KCNIP4: variants seen among roughly 807,000 people sequenced by gnomAD.
KCNIP4 encodes Kv channel-interacting protein 4.
KCNIP4 carries 12 observed loss-of-function variants against 34.0 expected under a neutral mutation model. The observed-to-expected ratio is 0.35, with a 90% CI of 0.23 to 0.57. The LOEUF is 0.57. Among genes scored for constraint, KCNIP4 ranks in the 20% least tolerant of loss-of-function variants. The probability of loss-of-function intolerance (pLI) is 0.83; values close to 1 mark genes in which losing one functional copy is unlikely to be tolerated. For synonymous variants in KCNIP4, 124 were observed against 102.2 expected, an observed-to-expected ratio of 1.21 and a Z score of -1.29; for missense variants, 238 against 311.7, an observed-to-expected ratio of 0.76 and a Z score of 1.78.
intron 1 of KCNIP4, among the ~76,000 whole-genome samples, chr4:21,726,181 G>T (rs1483227867): frequency 6.6e-6 from 1 of 152,056 alleles, no homozygotes. Context: ...TGTACTGTTA[G>T]CCTGGAGATG....
chr4:21,452,452 C>T (rs1035818496), intron 1 of KCNIP4, among the ~76,000 whole-genome samples: 3 of 152,056 alleles, frequency 2.0e-5, no homozygotes, highest in African/African-American at 7.2e-5. Flanking sequence ...CATCACACTG[C>T]TTTGGTTCCT....
intron 1 of KCNIP4, among the ~76,000 whole-genome samples, chr4:21,272,335 A>G (rs1762204211): frequency 1.3e-5 from 2 of 152,352 alleles, no homozygotes; most frequent in Middle Eastern, 3.4e-3. Context: ...TTATTCATAT[A>G]TAAAAACAAC....
Position 21,339,378 on chromosome 4 carries a change from T to C in KCNIP4, c.62-456669A>G, listed in dbSNP as rs375486646. On this transcript the variant is annotated intron_variant, in intron 1 of 8. Transcript: ENST00000382152. ...CAGGTGGAATGATACAGTTTAGACG[T>C]AGGATATGGAAAGGCACTTACTAGC... Among the ~76,000 whole-genome samples, 41 of 152,322 alleles carry C rather than the reference T, an allele frequency of 2.7e-4. No homozygotes were observed. The East Asian group carries it at 6.8e-3, about 25-fold the overall frequency.
intron 1 of KCNIP4, among the ~76,000 whole-genome samples, chr4:21,742,079 G>GA (rs1433072703): frequency 1.3e-5 from 2 of 151,836 alleles, no homozygotes; most frequent in Non-Finnish European, 2.9e-5. Flanking sequence ...AAAAATACTA[G>GA]AAAAAATGTT....
chr4:21,525,952 T>C (rs1735937148), intron 1 of KCNIP4, among the ~76,000 whole-genome samples: 1 of 152,038 alleles, frequency 6.6e-6, no homozygotes, highest in African/African-American at 2.4e-5. Context: ...CAAAGAAAAA[T>C]AAGGCAATTT....
In KCNIP4 at chr4:20,963,320, C is replaced by T. The variant is rs113772417; in HGVS notation, c.62-80611G>A. On this transcript the variant is annotated intron_variant, in intron 1 of 8. Coordinates refer to ENST00000382152, the MANE Select transcript of KCNIP4 (RefSeq NM_025221.6). Reference sequence around the variant, plus strand: ...CCAGCCTGGGCGACAGAGCGAGACTCCGTCTCAAAAAACAAAAAAAAAAAC... The same window carrying T: ...CCAGCCTGGGCGACAGAGCGAGACTTCGTCTCAAAAAACAAAAAAAAAAAC... Among the ~76,000 whole-genome samples, 15 of 124,396 alleles carry T rather than the reference C, an allele frequency of 1.2e-4. 2 individuals carry two copies. Among genetic ancestry groups the T allele is most frequent in the African/African-American group, 4.9e-4 (15 of 30,346 alleles). 81.6% of individuals were successfully genotyped at this position (124,396 alleles called of 152,430 possible). A position where few individuals can be genotyped will look rare whatever the true frequency, so the allele number is the denominator to read the frequency against.
intron 1 of KCNIP4, among the ~76,000 whole-genome samples, chr4:21,206,252 G>A (rs1018479111): frequency 6.6e-6 from 1 of 152,082 alleles, no homozygotes; most frequent in African/African-American, 2.4e-5. Flanking sequence ...ATGAATATTT[G>A]TTTTGTACTT....
At chr4:21,731,881 A>C (rs976105874) in intron 1 of KCNIP4, among the ~76,000 whole-genome samples, 1 of 152,160 alleles carries the variant, frequency 6.6e-6, no homozygotes, top group Admixed American at 6.6e-5. Flanking sequence ...TCCACCAAAA[A>C]ATCAGAACAG....
rs182793632 is a variant in KCNIP4, at chr4:21,418,559, G to A, written c.61+530012C>T. Among the ~76,000 whole-genome samples, 3 of 152,210 alleles carry A rather than the reference G, an allele frequency of 2.0e-5. No homozygotes were observed. In the East Asian group the frequency reaches 5.8e-4, roughly 29 times the overall value. On this transcript the variant is annotated intron_variant, in intron 1 of 8. Coordinates refer to ENST00000382152, the MANE Select transcript of KCNIP4 (RefSeq NM_025221.6). ...AATTATGAAACACAGAGATTATATA[G>A]GGTGCTTTTCCATCTGTCCCTGCAT...
chr4:21,531,696 A>T lies in KCNIP4; in HGVS notation c.61+416875T>A, dbSNP rs185169115. On this transcript the variant is annotated intron_variant, in intron 1 of 8. Coordinates refer to ENST00000382152, the MANE Select transcript of KCNIP4 (RefSeq NM_025221.6). Reference sequence around the variant, plus strand: ...CCGGCCTAAAGCTGCAGTTTCTTTAACTTGTTATTTACTATAATGTCAGGA... The same window carrying T: ...CCGGCCTAAAGCTGCAGTTTCTTTATCTTGTTATTTACTATAATGTCAGGA... 4.8e-4 allele frequency among the ~76,000 whole-genome samples: 73 copies of T among 152,024 alleles called. No homozygotes were observed. The East Asian group carries it at 8.3e-3, about 17-fold the overall frequency.
At chr4:21,106,341 G>A (rs544814705) in intron 1 of KCNIP4, among the ~76,000 whole-genome samples, 6 of 151,722 alleles carry the variant, frequency 4.0e-5, no homozygotes, top group Non-Finnish European at 8.8e-5. Context: ...TGTATGTGTC[G>A]AGGAATTTAT....
chr4:20,923,627 G>T (rs557448222), intron 1 of KCNIP4, among the ~76,000 whole-genome samples: 17 of 152,254 alleles, frequency 1.1e-4, no homozygotes, highest in African/African-American at 3.1e-4. Context: ...CAATGTATGA[G>T]TTAGGACTGG....
chr4:21,151,964 C>A (rs1752788895), intron 1 of KCNIP4, among the ~76,000 whole-genome samples: 1 of 152,070 alleles, frequency 6.6e-6, no homozygotes, highest in Admixed American at 6.6e-5. Context: ...AATATAAAAA[C>A]AAAATAGGCT....
At position 21,776,767 on chromosome 4, in the gene KCNIP4, A is replaced by G. The variant is rs547484924; in HGVS notation, c.61+171804T>C. 6.6e-5 allele frequency among the ~76,000 whole-genome samples: 10 copies of G among 151,994 alleles called. No individual in the cohort carries two copies. The East Asian group carries it at 1.4e-3, about 21-fold the overall frequency. ...AGTGAATGAGTTTTCATGAGATCTA[A>G]TGGTTTTATTTTATTTTTTGAGACA... On this transcript the variant is annotated intron_variant, in intron 1 of 8. Transcript: ENST00000382152.
chr4:20,832,905 C>T (rs147913249), intron 3 of KCNIP4, among the ~76,000 whole-genome samples: 28 of 152,086 alleles, frequency 1.8e-4, no homozygotes, highest in African/African-American at 2.9e-4. Context: ...CTTTGGAGTT[C>T]GGTGGTTTTA....
At chr4:21,886,682 A>G (rs1726781896) in intron 1 of KCNIP4, among the ~76,000 whole-genome samples, 1 of 152,120 alleles carries the variant, frequency 6.6e-6, no homozygotes. Context: ...AAGAGATGTG[A>G]CATTTAATAA....
intron 1 of KCNIP4, among the ~76,000 whole-genome samples, chr4:21,745,309 A>G (rs978295874): frequency 3.3e-5 from 5 of 152,218 alleles, no homozygotes; most frequent in Admixed American, 2.0e-4. Flanking sequence ...GTAGAATTTC[A>G]AAGACGTTTA....
At chr4:21,312,819 C>T (rs1713330486) in intron 1 of KCNIP4, among the ~76,000 whole-genome samples, 1 of 152,168 alleles carries the variant, frequency 6.6e-6, no homozygotes, top group Non-Finnish European at 1.5e-5. Context: ...CACTTCATAA[C>T]CTAGCTCCCA....
chr4:21,712,358 G>A (rs1057222594), intron 1 of KCNIP4, among the ~76,000 whole-genome samples: 23 of 152,246 alleles, frequency 1.5e-4, no homozygotes, highest in Admixed American at 1.1e-3. Context: ...TACTATTATC[G>A]GTTCTGTACA....
Sources: allele counts gnomAD v4.1 joint callset (sites outside exome capture counted in the v4.1 genomes callset), GRCh38; gene constraint gnomAD v4.1.1; transcripts MANE v1.5; gene names NCBI Gene and HGNC (gene_info 2026-07-23, HGNC 2026-07-21).